Variants in FAT3 observed in about 807,000 individuals in gnomAD.
The protein encoded by FAT3 is FAT atypical cadherin 3, also known as protocadherin Fat 3.
Under a neutral mutation model 310.2 loss-of-function variants are expected in FAT3, and 95 were observed. The ratio of observed to expected loss-of-function variants is 0.31; its 90% CI spans 0.26 to 0.36. The LOEUF (loss-of-function observed/expected upper bound fraction) is 0.36. FAT3 is among the 10% of genes least tolerant of loss of function. FAT3 has a pLI of 1.00. For synonymous variants in FAT3, 2,314 were observed against 2,192.9 expected, an observed-to-expected ratio of 1.06 and a Z score of -1.54; for missense variants, 5,408 against 5,715.6, an observed-to-expected ratio of 0.95 and a Z score of 1.74.
chr11:92,559,186 T>C (rs571649509), intron 3 of FAT3, among the ~76,000 whole-genome samples: 2 of 152,204 alleles, frequency 1.3e-5, no homozygotes, highest in East Asian at 3.9e-4. Flanking sequence ...AATTCACCTA[T>C]TCAGATTGTT....
chr11:92,607,840 G>A (rs988566919), intron 3 of FAT3, among the ~76,000 whole-genome samples: 32 of 152,014 alleles, frequency 2.1e-4, no homozygotes, highest in African/African-American at 7.7e-4. Context: ...TTATTTTGAG[G>A]CCAGTTTTCT....
intron 25 of FAT3, 128 bp downstream of exon 25, chr11:92,887,241 A>G: frequency 2.6e-6 from 2 of 763,272 alleles, no homozygotes; most frequent in Non-Finnish European, 4.3e-6. Context: ...GAGCGTGTTC[A>G]CCAGGTCCCT....
intron 2 of FAT3, among the ~76,000 whole-genome samples, chr11:92,521,909 C>T (rs1047875778): frequency 2.6e-5 from 4 of 152,074 alleles, no homozygotes; most frequent in Non-Finnish European, 4.4e-5. Flanking sequence ...CCAGATTAGC[C>T]CTTCTGGCTG....
intron 3 of FAT3, among the ~76,000 whole-genome samples, chr11:92,688,186 G>T (rs898453038): frequency 1.3e-5 from 2 of 152,000 alleles, no homozygotes; most frequent in Non-Finnish European, 2.9e-5. Flanking sequence ...ATGACAGAGC[G>T]AGACCCTGTC....
At chr11:92,776,137 G>A (rs1005890300) in intron 7 of FAT3, among the ~76,000 whole-genome samples, 2 of 152,170 alleles carry the variant, frequency 1.3e-5, no homozygotes, top group African/African-American at 4.8e-5. Context: ...TACAAATAAA[G>A]CATGAAACCG....
chr11:92,829,403 T>C (rs771199607), intron 13 of FAT3, among the ~76,000 whole-genome samples: 2 of 152,202 alleles, frequency 1.3e-5, no homozygotes, highest in Non-Finnish European at 2.9e-5. Context: ...TGTATTTATG[T>C]CAATCGCTGA....
intron 2 of FAT3, among the ~76,000 whole-genome samples, chr11:92,405,879 T>C (rs181525374): frequency 8.5e-5 from 13 of 152,284 alleles, no homozygotes; most frequent in Admixed American, 2.0e-4. Flanking sequence ...CTTAGGCAAT[T>C]TGTAGAAATT....
At chr11:92,889,939 A>G (rs1949879092) in intron 27 of FAT3, 48 bp downstream of exon 27, 2 of 717,694 alleles carry the variant, frequency 2.8e-6, no homozygotes, top group African/African-American at 3.5e-5. Context: ...TTTGTTTTGA[A>G]TTGCTGAGTT....
At position 92,354,710 on chromosome 11, in the gene FAT3, G is replaced by C. The variant is rs1441543412; in HGVS notation, c.2598G>C (p.Val866=). The C allele has an allele frequency of 1.9e-6, 3 of 1,613,836 alleles. No homozygotes were observed. In the East Asian group the frequency reaches 6.7e-5, roughly 36 times the overall value. Residue 866 remains valine (V), a synonymous_variant, in exon 2 of 28, where the codon GTG becomes GTC. Transcript: ENST00000525166. ...AAGACTTAGGTTCTAATGGTGAAGT[G>C]ACTTACTCAGTCTTGACAGATACAC... ...RDKDLGSNGE[V]TYSVLTDTQQ...
At position 92,844,379 on chromosome 11, in the gene FAT3, G is replaced by T. The variant is rs535363004; in HGVS notation, c.11012G>T (p.Arg3671Leu). The change falls in exon 19 of 28, where the codon CGC (arginine) becomes CTC (leucine). Residue 3671 changes from arginine (R) to leucine (L), a missense_variant. Physicochemically the swap from Arg to Leu is moderately radical, Grantham distance 102. This residue lies in a region of FAT3 where 4,588 missense variants were observed against 4,809.8 expected (regional missense o/e 0.95). Coordinates refer to ENST00000525166, the MANE Select transcript of FAT3 (RefSeq NM_001367949.2). ...GGGCTGCACATGCATGGGTTCCGGC[G>T]CACCCTGCGGAATGCAGTCCTCACC... ...FVGLHMHGFR[R>L]TLRNAVLTQK... 2.5e-6 allele frequency: 4 copies of T among 1,613,762 alleles called. No individual in the cohort carries two copies. Among genetic ancestry groups the T allele is most frequent in the Middle Eastern group, 1.6e-4 (1 of 6,084 alleles).
chr11:92,652,568 A>G (rs1303991606), intron 3 of FAT3, among the ~76,000 whole-genome samples: 1 of 152,204 alleles, frequency 6.6e-6, no homozygotes, highest in Non-Finnish European at 1.5e-5. Flanking sequence ...GATGAAGAAC[A>G]TGAGGCTTCT....
At chr11:92,415,964 AC>A (rs1950400742) in intron 2 of FAT3, among the ~76,000 whole-genome samples, 1 of 143,498 alleles carries the variant, frequency 7.0e-6, no homozygotes, top group African/African-American at 2.6e-5. Flanking sequence ...AGGTAGCTGG[AC>A]CTACAAGCAA....
chr11:92,428,608 G>T (rs952938246), intron 2 of FAT3, among the ~76,000 whole-genome samples: 2 of 152,042 alleles, frequency 1.3e-5, no homozygotes, highest in African/African-American at 4.8e-5. Flanking sequence ...GTTTCAAAGA[G>T]CTTATTTATT....
chr11:92,585,185 T>C (rs1221054278), intron 3 of FAT3, among the ~76,000 whole-genome samples: 2 of 152,120 alleles, frequency 1.3e-5, no homozygotes, highest in African/African-American at 2.4e-5. Flanking sequence ...ACGTGAAGGG[T>C]TGGGGGACAA....
rs1946565736 is a variant in FAT3 at position 92,286,518 on chromosome 11, A to G, written c.-18+61344A>G. ...GTGGACTGGATGGTGTTATTCAAAT[A>G]TAGTATGTGCTTTTGGTGTAGTTGT... On this transcript the variant is annotated intron_variant, in intron 1 of 27. Transcript: ENST00000525166. Among the ~76,000 whole-genome samples, 3 of 152,174 alleles carry G rather than the reference A, an allele frequency of 2.0e-5. No individual in the cohort carries two copies. In the South Asian group the frequency reaches 6.2e-4, roughly 32 times the overall value.
At chr11:92,420,080 T>C (rs1950504793) in intron 2 of FAT3, among the ~76,000 whole-genome samples, 1 of 152,214 alleles carries the variant, frequency 6.6e-6, no homozygotes, top group Non-Finnish European at 1.5e-5. Context: ...GCCGGCTGGC[T>C]GCCTGATTTT....
intron 22 of FAT3, among the ~76,000 whole-genome samples, chr11:92,876,249 T>A (rs568162628): frequency 1.3e-5 from 2 of 152,290 alleles, no homozygotes; most frequent in Non-Finnish European, 2.9e-5. Context: ...TAAAAAAGAA[T>A]CTAATTCCTC....
At chr11:92,331,304 A>G (rs1041466369) in intron 1 of FAT3, among the ~76,000 whole-genome samples, 1 of 151,728 alleles carries the variant, frequency 6.6e-6, no homozygotes, top group Non-Finnish European at 1.5e-5. Context: ...TTTTTTCAAA[A>G]TGAGAGTTTC....
At chr11:92,836,759 CAG>C in intron 16 of FAT3, 56 bp downstream of exon 16, 2 of 1,581,814 alleles carry the variant, frequency 1.3e-6, no homozygotes, top group Non-Finnish European at 1.7e-6. Context: ...TTCCTAGAAT[CAG>C]GGGCACAAGC....
Sources: gnomAD v4.1 joint callset for allele counts (sites outside exome capture counted in the v4.1 genomes callset) on GRCh38, gnomAD v4.1.1 for gene constraint, gnomAD v4.1.1 regional missense constraint, MANE v1.5 for transcripts, NCBI Gene and HGNC (gene_info 2026-07-23, HGNC 2026-07-21) for gene names.